PDGFRA: variants seen among roughly 807,000 people sequenced by gnomAD.
The protein encoded by PDGFRA is platelet-derived growth factor receptor alpha.
A neutral mutation model predicts 121.5 loss-of-function variants in PDGFRA; 25 were observed. The ratio of observed to expected loss-of-function variants is 0.21; its 90% CI spans 0.15 to 0.29. The LOEUF (loss-of-function observed/expected upper bound fraction) is 0.29. Among genes scored for constraint, PDGFRA ranks in the 10% least tolerant of loss-of-function variants. The probability of loss-of-function intolerance (pLI) is 1.00; values close to 1 mark genes in which losing one functional copy is unlikely to be tolerated. For missense variants in PDGFRA, 1,008 were observed against 1,345.1 expected, an observed-to-expected ratio of 0.75 and a Z score of 3.92; for synonymous variants, 463 against 494.8, an observed-to-expected ratio of 0.94 and a Z score of 0.85.
At position 54,284,801 on chromosome 4, in the gene PDGFRA, C is replaced by T. The variant is rs1807805; in HGVS notation, c.2324-570C>T. Among the ~76,000 whole-genome samples, 1,436 of 147,294 alleles carry T rather than the reference C, an allele frequency of 9.7e-3. 25 individuals are homozygous for T. Among genetic ancestry groups the T allele is most frequent in the African/African-American group, 0.034 (1,353 of 39,912 alleles). On this transcript the variant is annotated intron_variant, in intron 16 of 22. Transcript: ENST00000257290. ...GACACATATCCAAACTATATCATTG[C>T]GTGTGTGTGTGTGTGTATAATTTTT...
At position 54,265,020 on chromosome 4, in the gene PDGFRA, G is replaced by T; in HGVS notation, c.730G>T (p.Asp244Tyr). Residue 244 changes from aspartate to tyrosine, a missense_variant, in exon 5 of 23, where the codon GAC becomes TAC. Physicochemically the swap from Asp to Tyr is radical, Grantham distance 160 (BLOSUM62 -3). This residue lies in a region of PDGFRA where 575 missense variants were observed against 701.8 expected (regional missense o/e 0.82). Transcript: ENST00000257290. The part of the protein sequence containing the change: ...TCAVFNNEVV[D>Y]LQWTYPGEVK... ...TGCTGTTTTTAACAATGAGGTGGTT[G>T]ACCTTCAATGGACTTACCCTGGAGA... 6.2e-7 allele frequency: 1 copy of T among 1,613,702 alleles called. No individual in the cohort carries two copies. The highest frequency in any genetic ancestry group is 1.1e-5 in the South Asian group (1 of 91,036).
intron 16 of PDGFRA, chr4:54,280,692 A>AT: frequency 2.3e-6 from 1 of 431,500 alleles, no homozygotes; most frequent in African/African-American, 1.9e-5. Flanking sequence ...AATGTAACAA[A>AT]TTTTTTAAAC....
rs750539044 is a variant in PDGFRA at position 54,258,804 on chromosome 4, C to T, written c.36C>T (p.Gly12=). The T allele has an allele frequency of 6.2e-7, 1 of 1,613,798 alleles. No individual in the cohort carries two copies. The highest frequency in any genetic ancestry group is 8.5e-7 in the Non-Finnish European group (1 of 1,179,686). The change falls in exon 2 of 23, where the codon GGC becomes GGT. Residue 12 remains glycine (G), a synonymous_variant. Coordinates refer to ENST00000257290, the MANE Select transcript of PDGFRA (RefSeq NM_006206.6). ...GTSHPAFLVL[G]CLLTGLSLIL... is the part of the protein sequence containing the mutation. The stretch of plus-strand genomic sequence containing the variant: ...CCCATCCGGCGTTCCTGGTCTTAGG[C>T]TGTCTTCTCACAGGTACGGAGCCCA...
At chr4:54,239,490 A>G (rs1368681984) in intron 1 of PDGFRA, among the ~76,000 whole-genome samples, 1 of 152,222 alleles carries the variant, frequency 6.6e-6, no homozygotes, top group Non-Finnish European at 1.5e-5. Context: ...ACCCTATGAC[A>G]TCTTTTCTGG....
chr4:54,273,808 G>A (rs1723552890), intron 10 of PDGFRA, 78 bp downstream of exon 10: 3 of 1,214,902 alleles, frequency 2.5e-6, no homozygotes, highest in Admixed American at 1.8e-5. Flanking sequence ...CCCAGATAGG[G>A]GTTATATAGA....
chr4:54,235,394 A>G (rs1335502737), intron 1 of PDGFRA, among the ~76,000 whole-genome samples: 1 of 152,270 alleles, frequency 6.6e-6, no homozygotes, highest in Non-Finnish European at 1.5e-5. Flanking sequence ...CTGGAAATAG[A>G]GCCTTGCATT....
chr4:54,268,871 TA>T (rs1257968936), intron 7 of PDGFRA, among the ~76,000 whole-genome samples: 1 of 152,218 alleles, frequency 6.6e-6, no homozygotes, highest in Non-Finnish European at 1.5e-5. Flanking sequence ...CTGCAAGCCA[TA>T]ATCCATAGCA....
At chr4:54,269,747 A>G (rs1172258305) in intron 7 of PDGFRA, among the ~76,000 whole-genome samples, 2 of 149,812 alleles carry the variant, frequency 1.3e-5, no homozygotes, top group African/African-American at 4.9e-5. Flanking sequence ...GGTTCAAGCG[A>G]TTCTTCAGCT....
intron 2 of PDGFRA, among the ~76,000 whole-genome samples, chr4:54,260,418 T>G (rs1205578463): frequency 7.0e-6 from 1 of 143,152 alleles, no homozygotes; most frequent in African/African-American, 2.6e-5. Context: ...TTTTTTTTTT[T>G]TTTTTTTTGA....
At chr4:54,242,128 T>C (rs957537172) in intron 1 of PDGFRA, among the ~76,000 whole-genome samples, 3 of 152,172 alleles carry the variant, frequency 2.0e-5, no homozygotes, top group African/African-American at 7.2e-5. Flanking sequence ...AAGCCTTTGT[T>C]CTTTCATGGT....
chr4:54,262,366 C>T (rs1722799791), intron 3 of PDGFRA, among the ~76,000 whole-genome samples: 1 of 152,112 alleles, frequency 6.6e-6, no homozygotes, highest in Non-Finnish European at 1.5e-5. Context: ...TGGGCCTGGC[C>T]TACTCCTGCA....
chr4:54,274,189 G>A (rs992583865), intron 10 of PDGFRA, among the ~76,000 whole-genome samples: 5 of 152,166 alleles, frequency 3.3e-5, no homozygotes, highest in Non-Finnish European at 7.4e-5. Context: ...TTATAATAAA[G>A]CATATGAAGT....
chr4:54,235,661 G>A (rs1325030307), intron 1 of PDGFRA, among the ~76,000 whole-genome samples: 1 of 152,206 alleles, frequency 6.6e-6, no homozygotes, highest in Non-Finnish European at 1.5e-5. Context: ...TCAGAGTTCA[G>A]ATCCATGTCT....
chr4:54,257,061 A>T (rs1722412806), intron 1 of PDGFRA, among the ~76,000 whole-genome samples: 1 of 152,146 alleles, frequency 6.6e-6, no homozygotes, highest in African/African-American at 2.4e-5. Flanking sequence ...AAAACCTAGG[A>T]TGCAATGAAG....
chr4:54,282,937 T>G (rs572952023), intron 16 of PDGFRA, among the ~76,000 whole-genome samples: 144 of 152,154 alleles, frequency 9.5e-4, no homozygotes, highest in African/African-American at 3.2e-3. Context: ...CCAAATAAAC[T>G]CCATTGACTC....
At chr4:54,263,971 C>A in intron 4 of PDGFRA, 44 bp downstream of exon 4, 2 of 1,573,824 alleles carry the variant, frequency 1.3e-6, no homozygotes, top group Non-Finnish European at 1.7e-6. Context: ...GAGTAACAGG[C>A]AAAATCATAA....
chr4:54,248,869 A>AG (rs1721866851), intron 1 of PDGFRA, among the ~76,000 whole-genome samples: 1 of 152,206 alleles, frequency 6.6e-6, no homozygotes, highest in Non-Finnish European at 1.5e-5. Flanking sequence ...ACAAATTTAC[A>AG]GGAAAAAAAC....
chr4:54,285,058 T>C (rs1724269151), intron 16 of PDGFRA, among the ~76,000 whole-genome samples: 1 of 151,376 alleles, frequency 6.6e-6, no homozygotes, highest in African/African-American at 2.4e-5. Context: ...CATGCCTGGC[T>C]AATTTTTTTG....
chr4:54,261,793 T>C (rs553769532), intron 3 of PDGFRA, among the ~76,000 whole-genome samples: 3 of 151,150 alleles, frequency 2.0e-5, no homozygotes, highest in Admixed American at 6.6e-5. Context: ...TGATAGTTCA[T>C]TATAATATCT....
Sources: gnomAD v4.1 joint callset for allele counts (sites outside exome capture counted in the v4.1 genomes callset) on GRCh38, gnomAD v4.1.1 for gene constraint, gnomAD v4.1.1 regional missense constraint, MANE v1.5 for transcripts, NCBI Gene and HGNC (gene_info 2026-07-23, HGNC 2026-07-21) for gene names.